The following GRM7 variants were observed in gnomAD, a reference collection of about 807,000 sequenced individuals.
GRM7 encodes metabotropic glutamate receptor 7.
Under a neutral mutation model 84.5 loss-of-function variants are expected in GRM7, and 35 were observed. The observed-to-expected ratio is 0.41, with a 90% CI of 0.32 to 0.55. The LOEUF (loss-of-function observed/expected upper bound fraction) is 0.55, where lower values mean the gene tolerates loss of function less well. Among genes scored for constraint, GRM7 ranks in the 20% least tolerant of loss-of-function variants. The pLI is 0.19. For synonymous variants in GRM7, 487 were observed against 455.1 expected, an observed-to-expected ratio of 1.07 and a Z score of -0.89; for missense variants, 1,003 against 1,194.6, an observed-to-expected ratio of 0.84 and a Z score of 2.36.
intron 1 of GRM7, among the ~76,000 whole-genome samples, chr3:7,039,365 T>C (rs1287142547): frequency 6.6e-6 from 1 of 152,230 alleles, no homozygotes; most frequent in African/African-American, 2.4e-5. Flanking sequence ...AAAAAATTTT[T>C]AATGTTTTGT....
chr3:7,617,199 T>C (rs976870780), intron 8 of GRM7, among the ~76,000 whole-genome samples: 1 of 152,046 alleles, frequency 6.6e-6, no homozygotes, highest in Non-Finnish European at 1.5e-5. Flanking sequence ...AAGCTTAACG[T>C]TCCAATAATG....
At chr3:7,504,897 T>A (rs1289844163) in intron 7 of GRM7, among the ~76,000 whole-genome samples, 3 of 152,156 alleles carry the variant, frequency 2.0e-5, no homozygotes, top group Non-Finnish European at 1.5e-5. Flanking sequence ...ACCATTCCAG[T>A]ATCAACTCAA....
intron 7 of GRM7, among the ~76,000 whole-genome samples, chr3:7,506,697 C>A (rs1246033449): frequency 6.6e-6 from 1 of 152,080 alleles, no homozygotes; most frequent in Non-Finnish European, 1.5e-5. Flanking sequence ...CATAAAGGCT[C>A]TTGGCAAAAA....
chr3:7,543,741 A>G (rs1167944264), intron 7 of GRM7, among the ~76,000 whole-genome samples: 1 of 152,222 alleles, frequency 6.6e-6, no homozygotes, highest in Non-Finnish European at 1.5e-5. Context: ...AGACCTTTCC[A>G]AAGCAATAAA....
At chr3:7,418,659 G>A (rs945558325) in intron 5 of GRM7, among the ~76,000 whole-genome samples, 1 of 152,110 alleles carries the variant, frequency 6.6e-6, no homozygotes, top group Non-Finnish European at 1.5e-5. Flanking sequence ...TTTAGAGTAT[G>A]ACCTCTTTGG....
Position 7,464,827 on chromosome 3 carries a change from C to CAAA in GRM7, c.1515+3122_1515+3124dup, listed in dbSNP as rs71307749. On this transcript the variant is annotated intron_variant, in intron 7 of 9. Transcript: ENST00000357716. ...TGGGTGACAGAGCAAGACTCTGTCT[C>CAAA]AAAAAAAAAAAAAAAAAAATTAACT... Among the ~76,000 whole-genome samples, 438 of 85,790 alleles carry CAAA rather than the reference C, an allele frequency of 5.1e-3. 7 individuals are homozygous for CAAA. The highest frequency in any genetic ancestry group is 0.038 in the Middle Eastern group (5 of 132). The allele number at this position is 85,790 out of a possible 152,430, so 56.3% of individuals were successfully genotyped here. A position where few individuals can be genotyped will look rare whatever the true frequency, so the allele number is the denominator to read the frequency against.
chr3:7,722,184 G>A (rs1202867476), intron 9 of GRM7, among the ~76,000 whole-genome samples: 1 of 152,138 alleles, frequency 6.6e-6, no homozygotes, highest in Non-Finnish European at 1.5e-5. Flanking sequence ...TTGAAAACAC[G>A]TATCAGTGTT....
chr3:6,967,110 T>C (rs1259032386), intron 1 of GRM7, among the ~76,000 whole-genome samples: 2 of 152,232 alleles, frequency 1.3e-5, no homozygotes, highest in Non-Finnish European at 2.9e-5. Flanking sequence ...TTTCAACCAG[T>C]GTTGGTAACC....
chr3:7,525,398 T>C (rs930944703), intron 7 of GRM7, among the ~76,000 whole-genome samples: 3 of 152,076 alleles, frequency 2.0e-5, no homozygotes, highest in Admixed American at 2.0e-4. Flanking sequence ...TGATTTGTTT[T>C]TGGGGGGATG....
chr3:6,873,287 G>A (rs1404804255), intron 1 of GRM7, among the ~76,000 whole-genome samples: 1 of 152,150 alleles, frequency 6.6e-6, no homozygotes, highest in Non-Finnish European at 1.5e-5. Flanking sequence ...TGGCCAGGCT[G>A]GTCCCGAACT....
At chr3:7,644,249 T>C (rs1698520698) in intron 8 of GRM7, among the ~76,000 whole-genome samples, 1 of 146,782 alleles carries the variant, frequency 6.8e-6, no homozygotes. Context: ...TATATGTGTG[T>C]GTCTGTACAT....
chr3:7,692,774 T>C (rs534954776), intron 9 of GRM7, among the ~76,000 whole-genome samples: 2 of 152,258 alleles, frequency 1.3e-5, no homozygotes, highest in Non-Finnish European at 2.9e-5. Flanking sequence ...GAGGTCTTTC[T>C]AATGAATTTT....
chr3:7,219,352 A>C (rs1014784124), intron 2 of GRM7, among the ~76,000 whole-genome samples: 1 of 152,220 alleles, frequency 6.6e-6, no homozygotes, highest in Non-Finnish European at 1.5e-5. Context: ...CTGCATCTGG[A>C]ATAAATGTGT....
intron 2 of GRM7, among the ~76,000 whole-genome samples, chr3:7,246,003 T>C (rs144888960): frequency 4.6e-5 from 7 of 152,214 alleles, no homozygotes; most frequent in African/African-American, 1.7e-4. Context: ...GAATTTAAAA[T>C]AATGTAAATA....
chr3:7,345,179 C>G (rs1457454395), intron 4 of GRM7, among the ~76,000 whole-genome samples: 1 of 151,864 alleles, frequency 6.6e-6, no homozygotes, highest in Non-Finnish European at 1.5e-5. Flanking sequence ...TTATAAATAT[C>G]CTGGTCTGAA....
chr3:7,185,781 A>G (rs1423095643), intron 2 of GRM7, among the ~76,000 whole-genome samples: 1 of 152,200 alleles, frequency 6.6e-6, no homozygotes, highest in Non-Finnish European at 1.5e-5. Flanking sequence ...AGATTCTGGT[A>G]CAGGTCAACA....
intron 4 of GRM7, among the ~76,000 whole-genome samples, chr3:7,386,020 T>C (rs1694773826): frequency 1.3e-5 from 2 of 152,208 alleles, no homozygotes; most frequent in Admixed American, 1.3e-4. Flanking sequence ...ACAAATGTAC[T>C]ATACTGTTTA....
chr3:7,633,171 G>A (rs1365764038), intron 8 of GRM7, among the ~76,000 whole-genome samples: 2 of 152,218 alleles, frequency 1.3e-5, no homozygotes, highest in African/African-American at 4.8e-5. Context: ...ACAAAAACGT[G>A]AATTTGTGGC....
intron 7 of GRM7, among the ~76,000 whole-genome samples, chr3:7,563,118 A>G (rs1264322321): frequency 6.6e-6 from 1 of 152,122 alleles, no homozygotes; most frequent in African/African-American, 2.4e-5. Context: ...GTGAAAAGCA[A>G]TTTGCAAGTT....
Sources: gnomAD v4.1 joint callset for allele counts (sites outside exome capture counted in the v4.1 genomes callset) on GRCh38, gnomAD v4.1.1 for gene constraint, MANE v1.5 for transcripts, NCBI Gene and HGNC (gene_info 2026-07-23, HGNC 2026-07-21) for gene names.